Variants in REPS1 observed in about 807,000 individuals in gnomAD.
The protein encoded by REPS1 is ralBP1-associated Eps domain-containing protein 1.
Under a neutral mutation model 100.9 loss-of-function variants are expected in REPS1, and 39 were observed. The observed-to-expected ratio is 0.39, with a 90% CI of 0.30 to 0.50. REPS1 has a LOEUF of 0.50. REPS1 is among the 20% of genes least tolerant of loss of function. The probability of loss-of-function intolerance (pLI) is 0.86; values close to 1 mark genes in which losing one functional copy is unlikely to be tolerated. For synonymous variants in REPS1, 324 were observed against 340.3 expected, an observed-to-expected ratio of 0.95 and a Z score of 0.53; for missense variants, 821 against 968.5, an observed-to-expected ratio of 0.85 and a Z score of 2.02.
chr6:138,983,298 A>G (rs1039908390), intron 1 of REPS1, among the ~76,000 whole-genome samples: 2 of 152,050 alleles, frequency 1.3e-5, no homozygotes, highest in African/African-American at 4.8e-5. Flanking sequence ...CTAAAAATAC[A>G]AAAATTAGCC....
chr6:138,975,116 CCCT>C (rs1488311549), intron 1 of REPS1, among the ~76,000 whole-genome samples: 17 of 152,282 alleles, frequency 1.1e-4, no homozygotes, highest in Admixed American at 1.0e-3. Flanking sequence ...CTTTCAAATG[CCCT>C]CCTAACTCTG....
At chr6:138,975,248 C>A (rs1022134748) in intron 1 of REPS1, among the ~76,000 whole-genome samples, 3 of 152,148 alleles carry the variant, frequency 2.0e-5, no homozygotes, top group Non-Finnish European at 4.4e-5. Context: ...AATGGCATCA[C>A]CATTCTATAG....
At chr6:138,947,169 A>C (rs1462980403) in intron 2 of REPS1, among the ~76,000 whole-genome samples, 1 of 151,954 alleles carries the variant, frequency 6.6e-6, no homozygotes, top group East Asian at 1.9e-4. Context: ...GAAGTGAGTC[A>C]ATTAAACCTC....
At chr6:138,986,835 T>G (rs1562575881) in intron 1 of REPS1, among the ~76,000 whole-genome samples, 1 of 152,192 alleles carries the variant, frequency 6.6e-6, no homozygotes. Context: ...GGGCTTCAGA[T>G]TAGGGCAAAT....
At chr6:138,971,252 G>T (rs762750127) in intron 1 of REPS1, among the ~76,000 whole-genome samples, 12 of 152,164 alleles carry the variant, frequency 7.9e-5, no homozygotes, top group Non-Finnish European at 1.5e-4. Flanking sequence ...AAAGTTTTAA[G>T]ATCTGCAGTT....
chr6:138,973,553 G>A (rs1215108180), intron 1 of REPS1, among the ~76,000 whole-genome samples: 1 of 151,836 alleles, frequency 6.6e-6, no homozygotes, highest in African/African-American at 2.4e-5. Context: ...ATTTTTGAAG[G>A]AGTAATACAC....
intron 2 of REPS1, among the ~76,000 whole-genome samples, chr6:138,945,921 A>C (rs1782582748): frequency 6.6e-6 from 1 of 152,180 alleles, no homozygotes; most frequent in Non-Finnish European, 1.5e-5. Context: ...CCTTCTAATG[A>C]GTGATAACAA....
At chr6:138,970,392 T>C (rs1217996355) in intron 1 of REPS1, among the ~76,000 whole-genome samples, 1 of 148,884 alleles carries the variant, frequency 6.7e-6, no homozygotes, top group Non-Finnish European at 1.5e-5. Flanking sequence ...TCACTGCCAG[T>C]TGCAAGGGAA....
chr6:138,929,399 T>C (rs2128456538), intron 9 of REPS1: 2 of 152,354 alleles, frequency 1.3e-5, no homozygotes, highest in Middle Eastern at 6.8e-3. Context: ...AAATTCCATT[T>C]TGCATACTGT....
At chr6:138,931,969 G>A (rs892647060) in intron 8 of REPS1, among the ~76,000 whole-genome samples, 6 of 152,098 alleles carry the variant, frequency 3.9e-5, no homozygotes, top group South Asian at 4.1e-4. Context: ...ACTAATTTTC[G>A]AAAGAATTTA....
intron 1 of REPS1, among the ~76,000 whole-genome samples, chr6:138,949,004 G>C (rs1308863665): frequency 6.6e-6 from 1 of 152,208 alleles, no homozygotes; most frequent in African/African-American, 2.4e-5. Context: ...AAAGGGCAAA[G>C]AGAATAAACA....
intron 10 of REPS1, among the ~76,000 whole-genome samples, chr6:138,925,908 A>G (rs2128451779): frequency 6.6e-6 from 1 of 152,344 alleles, no homozygotes; most frequent in Non-Finnish European, 1.5e-5. Flanking sequence ...ATATTTGACC[A>G]ACATCTTGTA....
rs1782550806 is a variant in REPS1 at position 138,945,492 on chromosome 6, T to C, written c.474+9A>G. On this transcript the variant is annotated intron_variant, in intron 3 of 19. Coordinates refer to ENST00000450536, the MANE Select transcript of REPS1 (RefSeq NM_001286611.2). ...CATCAACTGCTAATATTTACATGCA[T>C]GTGATTACCTGTGCATCTGCAGATG... The C allele has an allele frequency of 6.3e-7, 1 of 1,593,052 alleles. No homozygotes were observed. The highest frequency in any genetic ancestry group is 1.3e-5 in the African/African-American group (1 of 74,124).
At chr6:138,972,554 T>C (rs1208562773) in intron 1 of REPS1, among the ~76,000 whole-genome samples, 3 of 152,110 alleles carry the variant, frequency 2.0e-5, no homozygotes, top group African/African-American at 7.2e-5. Flanking sequence ...CACTGACCTG[T>C]TTTCTTATTT....
intron 10 of REPS1, among the ~76,000 whole-genome samples, chr6:138,924,903 G>A (rs558871066): frequency 7.2e-5 from 11 of 152,192 alleles, no homozygotes; most frequent in South Asian, 2.1e-4. Flanking sequence ...CAAGAAATGA[G>A]GAGCAAAAGG....
intron 16 of REPS1, among the ~76,000 whole-genome samples, chr6:138,912,133 G>T (rs1780052181): frequency 6.6e-6 from 1 of 152,156 alleles, no homozygotes; most frequent in Admixed American, 6.5e-5. Flanking sequence ...ATAAGAAAGA[G>T]ATTGCAGAAT....
chr6:138,978,434 G>A (rs529485027), intron 1 of REPS1, among the ~76,000 whole-genome samples: 2 of 151,388 alleles, frequency 1.3e-5, no homozygotes, highest in African/African-American at 4.8e-5. Context: ...CTCCCAAGTA[G>A]CTGGGACCAC....
At chr6:138,955,979 T>G (rs932774637) in intron 1 of REPS1, among the ~76,000 whole-genome samples, 4 of 152,178 alleles carry the variant, frequency 2.6e-5, no homozygotes, top group African/African-American at 9.7e-5. Flanking sequence ...ATAGTGGACT[T>G]TATATAGTTA....
chr6:138,930,948 A>G (rs979206069), intron 8 of REPS1, among the ~76,000 whole-genome samples: 2 of 152,330 alleles, frequency 1.3e-5, no homozygotes, highest in Admixed American at 1.3e-4. Flanking sequence ...GTTAAGCTTA[A>G]TTTAAAATAA....
Sources: allele counts gnomAD v4.1 joint callset (sites outside exome capture counted in the v4.1 genomes callset), GRCh38; gene constraint gnomAD v4.1.1; transcripts MANE v1.5; gene names NCBI Gene and HGNC (gene_info 2026-07-23, HGNC 2026-07-21).